CHCHD6: variants seen among roughly 807,000 people sequenced by gnomAD.
The protein encoded by CHCHD6 is MICOS complex subunit MIC25.
A neutral mutation model predicts 32.3 loss-of-function variants in CHCHD6; 28 were observed. The observed-to-expected ratio is 0.87, with a 90% CI of 0.64 to 1.19. The LOEUF is 1.19. Among genes scored for constraint, CHCHD6 ranks in the 50% most tolerant of loss-of-function variants. The probability of loss-of-function intolerance (pLI) is 0.00; values close to 1 mark genes in which losing one functional copy is unlikely to be tolerated. For synonymous variants in CHCHD6, 122 were observed against 117.5 expected (o/e 1.04, Z -0.25); for missense variants, 333 against 307.0 (o/e 1.08, Z -0.63).
intron 5 of CHCHD6, among the ~76,000 whole-genome samples, chr3:126,856,964 G>A (rs9812288): frequency 0.12 from 18,818 of 152,210 alleles, 1,348 homozygotes; most frequent in South Asian, 0.28. Context: ...CTGTTTTGGG[G>A]TGAGTGGTAG....
In CHCHD6 at chr3:126,935,069, G is replaced by T. The variant is rs543921335; in HGVS notation, c.566+20319G>T. On this transcript the variant is annotated intron_variant, in intron 6 of 7. Coordinates refer to ENST00000290913, the MANE Select transcript of CHCHD6 (RefSeq NM_032343.3). The stretch of plus-strand genomic sequence containing the variant: ...TCAGAGTTGGGAATCGTTTTGGAAA[G>T]AATATCTATCTTGCCATTCGTTCCA... 17 of 951,702 alleles carry T rather than the reference G, an allele frequency of 1.8e-5. No homozygotes were observed. The South Asian group carries it at 7.8e-4, about 43-fold the overall frequency. The allele number at this position is 951,702 out of a possible 1,614,324, so 59.0% of individuals were successfully genotyped here. A position where few individuals can be genotyped will look rare whatever the true frequency, so the allele number is the denominator to read the frequency against.
At chr3:126,953,062 G>A (rs914147528) in intron 6 of CHCHD6, 271 of 985,374 alleles carry the variant, frequency 2.8e-4, no homozygotes, top group Non-Finnish European at 3.0e-4. Flanking sequence ...TGACCGGGCC[G>A]TCTTGGGCAT....
At chr3:126,804,605 C>T (rs538524416) in intron 4 of CHCHD6, among the ~76,000 whole-genome samples, 6 of 151,278 alleles carry the variant, frequency 4.0e-5, no homozygotes, top group African/African-American at 1.5e-4. Context: ...GAGGACCAGA[C>T]GGATTCACAG....
intron 6 of CHCHD6, among the ~76,000 whole-genome samples, chr3:126,916,931 G>T (rs146394311): frequency 6.6e-6 from 1 of 152,354 alleles, no homozygotes; most frequent in Non-Finnish European, 1.5e-5. Flanking sequence ...CACCTGCCAA[G>T]GAGAAGATGC....
chr3:126,939,034 G>A (rs561981383), intron 6 of CHCHD6, among the ~76,000 whole-genome samples: 2 of 152,324 alleles, frequency 1.3e-5, no homozygotes, highest in African/African-American at 4.8e-5. Context: ...AGCACTTTGG[G>A]TAGGTTATCT....
intron 4 of CHCHD6, among the ~76,000 whole-genome samples, chr3:126,799,507 A>G (rs1218472517): frequency 6.6e-6 from 1 of 152,210 alleles, no homozygotes; most frequent in African/African-American, 2.4e-5. Flanking sequence ...TTAGAAAACA[A>G]ACAGGACGTG....
At chr3:126,902,003 G>C (rs891917838) in intron 5 of CHCHD6, among the ~76,000 whole-genome samples, 1 of 152,226 alleles carries the variant, frequency 6.6e-6, no homozygotes, top group Non-Finnish European at 1.5e-5. Flanking sequence ...AAACAGGAAC[G>C]CGCAAGTTAA....
intron 5 of CHCHD6, among the ~76,000 whole-genome samples, chr3:126,863,353 T>A (rs1296648565): frequency 2.9e-5 from 3 of 105,230 alleles, no homozygotes; most frequent in African/African-American, 4.2e-5. Flanking sequence ...CTCCTCCTCC[T>A]CTACCATCAC....
chr3:126,802,493 G>A (rs987042585), intron 4 of CHCHD6, among the ~76,000 whole-genome samples: 2 of 152,182 alleles, frequency 1.3e-5, no homozygotes, highest in Non-Finnish European at 1.5e-5. Context: ...ATGAAATGAA[G>A]CGAGAAGGGA....
intron 4 of CHCHD6, among the ~76,000 whole-genome samples, chr3:126,796,409 C>T (rs751088149): frequency 5.3e-5 from 8 of 152,058 alleles, no homozygotes; most frequent in African/African-American, 9.7e-5. Flanking sequence ...GGTTCTTTTC[C>T]CCCCGGGATT....
In CHCHD6 at chr3:126,829,182, A is replaced by G. The variant is rs559206463; in HGVS notation, c.412-23465A>G. ...ATTTTGCCCTATATGTATGTAGTTC[A>G]GTGATCAGCCAGAGATTAGGGCAGA... On this transcript the variant is annotated intron_variant, in intron 4 of 7. Coordinates refer to ENST00000290913, the MANE Select transcript of CHCHD6 (RefSeq NM_032343.3). Among the ~76,000 whole-genome samples, 39 of 152,276 alleles carry G rather than the reference A, an allele frequency of 2.6e-4. No individual in the cohort carries two copies. The South Asian group carries it at 7.5e-3, about 29-fold the overall frequency.
intron 6 of CHCHD6, among the ~76,000 whole-genome samples, chr3:126,920,378 T>C (rs1190068583): frequency 6.6e-6 from 1 of 152,132 alleles, no homozygotes; most frequent in Non-Finnish European, 1.5e-5. Context: ...AATTCTTGAT[T>C]GAGTGCCAGA....
chr3:126,860,728 G>GA (rs1269181385), intron 5 of CHCHD6, among the ~76,000 whole-genome samples: 3 of 152,144 alleles, frequency 2.0e-5, no homozygotes, highest in Non-Finnish European at 4.4e-5. Context: ...GCCGTGTATT[G>GA]AAAGTGAGAA....
At chr3:126,866,260 T>C (rs762550580) in intron 5 of CHCHD6, among the ~76,000 whole-genome samples, 2 of 152,174 alleles carry the variant, frequency 1.3e-5, no homozygotes, top group Non-Finnish European at 2.9e-5. Context: ...AGTTAGCATT[T>C]ATTGAGTGGT....
rs1385739350 is a variant in CHCHD6, at chr3:126,753,804, A to G, written c.411+20582A>G. 5.9e-5 allele frequency among the ~76,000 whole-genome samples: 9 copies of G among 152,168 alleles called. No homozygotes were observed. The East Asian group carries it at 1.7e-3, about 29-fold the overall frequency. On this transcript the variant is annotated intron_variant, in intron 4 of 7. Transcript: ENST00000290913. ...ACGAGTCTGGGTGGCAGTGGGCACC[A>G]AGGGCTGTGGTGGGCACATGCTGAG...
In CHCHD6 at chr3:126,914,730, A is replaced by G; in HGVS notation, c.546A>G (p.Ser182=). Residue 182 remains serine (S), a synonymous_variant, in exon 6 of 8, where the codon TCA becomes TCG. Coordinates refer to ENST00000290913, the MANE Select transcript of CHCHD6 (RefSeq NM_032343.3). The stretch of plus-strand genomic sequence containing the variant: ...CAGAGCAATTCCATGAGGCAGCCTC[A>G]AAGATGGAGAGCACAATAAAGTAAG... ...LSSEQFHEAA[S]KMESTIKPRR... is the part of the protein sequence containing the mutation. 6.3e-7 allele frequency: 1 copy of G among 1,579,556 alleles called. No homozygotes were observed. The highest frequency in any genetic ancestry group is 1.3e-5 in the African/African-American group (1 of 74,422).
chr3:126,771,428 C>A (rs1937540901), intron 4 of CHCHD6, among the ~76,000 whole-genome samples: 1 of 152,026 alleles, frequency 6.6e-6, no homozygotes, highest in African/African-American at 2.4e-5. Flanking sequence ...TGGTCTTGAT[C>A]TCCTGACCTC....
At chr3:126,841,367 G>A (rs926245979) in intron 4 of CHCHD6, among the ~76,000 whole-genome samples, 4 of 151,902 alleles carry the variant, frequency 2.6e-5, no homozygotes, top group Admixed American at 6.6e-5. Context: ...ACTTGACCAC[G>A]GTCACTCAAG....
chr3:126,783,959 G>A (rs1003087231), intron 4 of CHCHD6, among the ~76,000 whole-genome samples: 7 of 152,054 alleles, frequency 4.6e-5, no homozygotes, highest in African/African-American at 1.7e-4. Flanking sequence ...GGGTAAGAGG[G>A]CACTCTTAAT....
Sources: allele counts gnomAD v4.1 joint callset (sites outside exome capture counted in the v4.1 genomes callset), GRCh38; gene constraint gnomAD v4.1.1; transcripts MANE v1.5; gene names NCBI Gene and HGNC (gene_info 2026-07-23, HGNC 2026-07-21).